SLC4A11: variants seen among roughly 807,000 people sequenced by gnomAD.
SLC4A11 encodes the protein bicarbonate transporter related protein 1.
In SLC4A11, 74 loss-of-function variants were observed where a neutral mutation model predicts 95.0. The observed-to-expected ratio is 0.78, with a 90% CI of 0.65 to 0.95. SLC4A11 has a LOEUF of 0.95. Among genes scored for constraint, SLC4A11 ranks in the 40% least tolerant of loss-of-function variants. SLC4A11 has a pLI of 0.00. For missense variants in SLC4A11, 1,081 were observed against 1,192.4 expected (o/e 0.91, Z 1.38); for synonymous variants, 548 against 519.0 (o/e 1.06, Z -0.76).
At chr20:3,228,153 C>CCA in intron 19 of SLC4A11, 106 bp downstream of exon 19, 4 of 1,017,524 alleles carry the variant, frequency 3.9e-6, no homozygotes, top group Non-Finnish European at 5.9e-6. Context: ...CCAACCCGCC[C>CCA]ATTCTCCGCC....
At chr20:3,233,271 A>G (rs562447095) in intron 7 of SLC4A11, among the ~76,000 whole-genome samples, 1 of 152,306 alleles carries the variant, frequency 6.6e-6, no homozygotes, top group Admixed American at 6.5e-5. Context: ...GCGTGTTTGA[A>G]TAGGGATAGT....
At position 3,229,184 on chromosome 20, in the gene SLC4A11, G is replaced by T; in HGVS notation, c.1929C>A (p.Ser643Arg). Reference sequence around the variant, plus strand: ...GCAGGAAGCCGAGGCCCATGGCACCGCTGACGGCCCTCAGGGACAGCGACT... The same window carrying T: ...GCAGGAAGCCGAGGCCCATGGCACCTCTGACGGCCCTCAGGGACAGCGACT... ...QIQSLSLRAV[S>R]GAMGLGFLLS... Residue 643 changes from serine to arginine, a missense_variant, in exon 16 of 20, where the codon AGC (serine) becomes AGA (arginine). Ser to Arg is a moderately radical substitution (Grantham distance 110). Around this residue, in one of 3 missense-constraint regions of SLC4A11, gnomAD observed 767 missense variants for 858.0 expected, o/e 0.89. Transcript: ENST00000642402. 6.2e-7 allele frequency: 1 copy of T among 1,612,336 alleles called. No individual in the cohort carries two copies. The highest frequency in any genetic ancestry group is 1.1e-5 in the South Asian group (1 of 91,070).
rs193080010 is a variant in SLC4A11, at chr20:3,231,375, C to T, written c.903G>A (p.Thr301=). The part of the protein sequence containing the change: ...MVSHGPVAPR[T]KERSTVSLPA... ...GGAGGGAGACTGTGCTGCGTTCCTT[C>T]GTTCTCGGCGCCACTGGACCGTGGC... The change falls in exon 8 of 20, where the codon ACG becomes ACA. Residue 301 remains threonine, a synonymous_variant. Transcript: ENST00000642402. The surrounding 1 kb of genome is among the most constrained non-coding windows in gnomAD (Gnocchi z 5.2). 413 of 1,614,110 alleles carry T rather than the reference C, an allele frequency of 2.6e-4. 1 individual carries two copies. The East Asian group carries it at 5.9e-3, about 23-fold the overall frequency.
chr20:3,231,453 C>T lies in SLC4A11; in HGVS notation c.825G>A (p.Glu275=). 1 of 1,614,134 alleles carries T rather than the reference C, an allele frequency of 6.2e-7. No individual in the cohort carries two copies. Among genetic ancestry groups the T allele is most frequent in the Non-Finnish European group, 8.5e-7 (1 of 1,180,036 alleles). ...GCACCAAGGCCTCCTTGAATTCCTC[C>T]TCTGTGCGGGTCTCCAGGAGCTTCT... ...FRQKLLETRT[E]EEFKEALVHQ... is the part of the protein sequence containing the mutation. Residue 275 remains glutamate (E), a synonymous_variant, in exon 8 of 20, where the codon GAG becomes GAA. Coordinates refer to ENST00000642402, the MANE Select transcript of SLC4A11 (RefSeq NM_001174089.2). The surrounding 1 kb of genome is among the most constrained non-coding windows in gnomAD (Gnocchi z 5.2).
At chr20:3,238,120 C>G (rs1466255245) in intron 1 of SLC4A11, 13 of 1,453,972 alleles carry the variant, frequency 8.9e-6, no homozygotes, top group Non-Finnish European at 1.1e-5. Flanking sequence ...CGGGGGCCGA[C>G]AGGCAACGGT....
At chr20:3,236,999 C>A (rs1464826073) in intron 2 of SLC4A11, among the ~76,000 whole-genome samples, 1 of 152,140 alleles carries the variant, frequency 6.6e-6, no homozygotes, top group Admixed American at 6.5e-5. Flanking sequence ...GGAACATCAG[C>A]CCTGTGTCTA....
In SLC4A11 at chr20:3,228,404, TGTAGTGTGTCGGGGGGTAC is replaced by T; in HGVS notation, c.2394_2412del (p.Tyr799SerfsTer28). The T allele has an allele frequency of 1.9e-6, 3 of 1,613,172 alleles. No individual in the cohort carries two copies. Among genetic ancestry groups the T allele is most frequent in the Non-Finnish European group, 2.5e-6 (3 of 1,179,960 alleles). ...ATCTTCCTCTGGGGCACCCTCCGGATGTAGTGTGTCGGGGGGTACGCAGTCTGTGGGCGGCAGGGACCGG... is the reference window on the plus strand; with the variant it reads ...ATCTTCCTCTGGGGCACCCTCCGGATGCAGTCTGTGGGCGGCAGGGACCGG... On this transcript the variant is annotated frameshift_variant, in exon 19 of 20. Coordinates refer to ENST00000642402, the MANE Select transcript of SLC4A11 (RefSeq NM_001174089.2). LOFTEE classifies it high-confidence loss of function.
chr20:3,230,586 G>C lies in SLC4A11; in HGVS notation c.1344C>G (p.Gly448=). The C allele has an allele frequency of 5.6e-6, 9 of 1,613,850 alleles. No individual in the cohort carries two copies. The highest frequency in any genetic ancestry group is 7.6e-6 in the Non-Finnish European group (9 of 1,180,008). ...LDFNSFYAWT[G]LWNSFFLALY... is the part of the protein sequence containing the mutation. ...GCGCAAGGAAGAAACTATTCCACAG[G>C]CCCGTCCATGCGTAGAAGGAGTTGA... The change falls in exon 12 of 20, where the codon GGC becomes GGG. Residue 448 remains glycine (G), a synonymous_variant. Transcript: ENST00000642402.
chr20:3,238,571 G>T (rs1325939845), intron 1 of SLC4A11: 1 of 990,768 alleles, frequency 1.0e-6, no homozygotes, highest in East Asian at 1.1e-4. Context: ...GGGACCCAGG[G>T]CTGGCCCTCC....
At position 3,230,934 on chromosome 20, in the gene SLC4A11, G is replaced by A. The variant is rs78274653; in HGVS notation, c.1167C>T (p.Ile389=). 1.8e-3 allele frequency: 1,758 copies of A among 965,620 alleles called. 8 individuals carry two copies. In the East Asian group the frequency reaches 0.026, roughly 15 times the overall value. 59.8% of individuals were successfully genotyped at this position (965,620 alleles called of 1,614,324 possible). ...CACCGCCCACCGCCAGCCCCTCACC[G>A]ATGGCCCCGTCTGTGTTCTCGTCAT... is the stretch of plus-strand genomic sequence containing the variant. ...SLNDENTDGA[I]DVQKTIAGQS... Residue 389 remains isoleucine, a splice_region_variant and synonymous_variant, in exon 10 of 20, where the codon ATC becomes ATT. Transcript: ENST00000642402.
chr20:3,227,921 A>T, intron 19 of SLC4A11, 65 bp from the exon 20 acceptor site: 3 of 1,166,244 alleles, frequency 2.6e-6, no homozygotes, highest in African/African-American at 1.9e-5. Context: ...CACCCATCCC[A>T]GCCCACCCCA....
Position 3,229,747 on chromosome 20 carries a change from A to C in SLC4A11, c.1519T>G (p.Leu507Val), listed in dbSNP as rs771517793. ...GTCCTTTTTGTGTGATAGTCGTCCAAGTAATGCCCATAGTAGTACTTCCAG... is the reference window on the plus strand; with the variant it reads ...GTCCTTTTTGTGTGATAGTCGTCCACGTAATGCCCATAGTAGTACTTCCAG... ...IFWKYYYGHYLDDYHTKRTSS... is the reference protein window; with the variant it reads ...IFWKYYYGHYVDDYHTKRTSS... Residue 507 changes from leucine to valine, a missense_variant, in exon 14 of 20, where the codon TTG becomes GTG. Physicochemically the swap from Leu to Val is conservative, Grantham distance 32 (BLOSUM62 1). Transcript: ENST00000642402. 3 of 1,613,860 alleles carry C rather than the reference A, an allele frequency of 1.9e-6. No individual in the cohort carries two copies. The highest frequency in any genetic ancestry group is 1.1e-5 in the South Asian group (1 of 91,094).
chr20:3,230,464 A>G, intron 12 of SLC4A11, 51 bp downstream of exon 12: 6 of 1,612,734 alleles, frequency 3.7e-6, no homozygotes, highest in Non-Finnish European at 5.1e-6. Context: ...AGGGGGCTGA[A>G]CCAGATCCCA....
chr20:3,227,989 C>T (rs1600553186), intron 19 of SLC4A11, 133 bp from the exon 20 acceptor site: 8 of 832,680 alleles, frequency 9.6e-6, no homozygotes, highest in South Asian at 7.8e-5. Flanking sequence ...CCCAGCCCAC[C>T]CACTCTCCAC....
chr20:3,234,654 C>G lies in SLC4A11; in HGVS notation c.242-37G>C. 1 of 1,613,858 alleles carries G rather than the reference C, an allele frequency of 6.2e-7. No individual in the cohort carries two copies. Among genetic ancestry groups the G allele is most frequent in the Non-Finnish European group, 8.5e-7 (1 of 1,180,016 alleles). On this transcript the variant is annotated intron_variant, in intron 3 of 19. Transcript: ENST00000642402. This position sits in a 1 kb window ranked among gnomAD's most constrained non-coding sequence, Gnocchi z 5.8. ...AAGCGGGGAGGGCTCAGGGTGCCAC[C>G]CTCTCCTCAGGTCTTTCTTAGTAAG...
Position 3,229,248 on chromosome 20 carries a change from T to C in SLC4A11, c.1865A>G (p.Tyr622Cys). The C allele has an allele frequency of 6.2e-7, 1 of 1,613,016 alleles. No homozygotes were observed. Among genetic ancestry groups the C allele is most frequent in the East Asian group, 2.2e-5 (1 of 44,878 alleles). The part of the protein sequence containing the change: ...FREIEMSKFR[Y>C]NPSESPFAMA... ...CGCAAAGGGGCTCTCGCTGGGGTTG[T>C]AGCGGAACTTGCTCACTGCAGTAGG... Residue 622 changes from tyrosine to cysteine, a missense_variant, in exon 16 of 20, where the codon TAC becomes TGC. This residue lies in a region of SLC4A11 where 767 missense variants were observed against 858.0 expected (regional missense o/e 0.89). Transcript: ENST00000642402.
intron 1 of SLC4A11, 93 bp downstream of exon 1, chr20:3,239,002 A>G: frequency 7.2e-7 from 1 of 1,394,622 alleles, no homozygotes. Flanking sequence ...GCGCAGGCAG[A>G]CGGCATCCGC....
chr20:3,230,721 C>T lies in SLC4A11; in HGVS notation c.1282+11G>A. ...CTCAGGCACCATCTCCCGCCTCAGC[C>T]CCCACTGCACCCTGGATGTAGAGCG... is the stretch of plus-strand genomic sequence containing the variant. On this transcript the variant is annotated intron_variant, in intron 11 of 19. Transcript: ENST00000642402. 2 of 1,613,146 alleles carry T rather than the reference C, an allele frequency of 1.2e-6. No individual in the cohort carries two copies. Among genetic ancestry groups the T allele is most frequent in the South Asian group, 2.2e-5 (2 of 91,088 alleles).
intron 10 of SLC4A11, 28 bp from the exon 11 acceptor site, chr20:3,230,873 G>C: frequency 6.2e-7 from 1 of 1,612,684 alleles, no homozygotes; most frequent in Non-Finnish European, 8.5e-7. Context: ...TCAGGTGGGC[G>C]CCGCAGCCCA....
Sources: gnomAD v4.1 joint callset for allele counts (sites outside exome capture counted in the v4.1 genomes callset) on GRCh38, gnomAD v4.1.1 for gene constraint, gnomAD v4.1.1 regional missense constraint, Gnocchi (gnomAD v3.1) non-coding constraint, MANE v1.5 for transcripts, NCBI Gene and HGNC (gene_info 2026-07-23, HGNC 2026-07-21) for gene names.